CBFB: variants seen among roughly 807,000 people sequenced by gnomAD.
CBFB encodes the protein CBF-beta.
A neutral mutation model predicts 30.4 loss-of-function variants in CBFB; 9 were observed. The ratio of observed to expected loss-of-function variants is 0.30; its 90% confidence interval spans 0.18 to 0.52. The LOEUF (loss-of-function observed/expected upper bound fraction) is 0.52. Among genes scored for constraint, CBFB ranks in the 20% least tolerant of loss-of-function variants. CBFB has a pLI of 0.97. For missense variants in CBFB, 170 were observed against 244.0 expected (o/e 0.70, Z 2.02); for synonymous variants, 94 against 84.0 (o/e 1.12, Z -0.65).
intron 2 of CBFB, among the ~76,000 whole-genome samples, chr16:67,033,126 C>T (rs553449731): frequency 8.7e-4 from 132 of 152,280 alleles, no homozygotes; most frequent in South Asian, 3.1e-3. Context: ...CCACCGACCT[C>T]GGCCTCCCAA....
At chr16:67,088,997 C>T (rs1305923199) in intron 5 of CBFB, among the ~76,000 whole-genome samples, 9 of 152,222 alleles carry the variant, frequency 5.9e-5, no homozygotes, top group African/African-American at 2.2e-4. Context: ...TCTTCCATTT[C>T]ACCATGTGTA....
intron 5 of CBFB, among the ~76,000 whole-genome samples, chr16:67,097,803 A>G (rs756581717): frequency 5.3e-5 from 8 of 152,114 alleles, no homozygotes; most frequent in Non-Finnish European, 1.0e-4. Context: ...ATGTGCCCAT[A>G]GTTCTAGTTA....
At chr16:67,079,515 CTTTTTTTT>C (rs34164177) in intron 4 of CBFB, among the ~76,000 whole-genome samples, 4 of 98,676 alleles carry the variant, frequency 4.1e-5, no homozygotes, top group East Asian at 3.3e-4. Context: ...GGCCCTGGGT[CTTTTTTTT>C]TTTTTTTTTT....
intron 5 of CBFB, among the ~76,000 whole-genome samples, chr16:67,096,273 T>C (rs1474796438): frequency 1.3e-5 from 2 of 151,714 alleles, no homozygotes; most frequent in East Asian, 2.0e-4. Flanking sequence ...ATTGCGCTAC[T>C]GTACTCCAGC....
At chr16:67,068,083 A>T (rs1374059082) in intron 4 of CBFB, among the ~76,000 whole-genome samples, 1 of 152,238 alleles carries the variant, frequency 6.6e-6, no homozygotes, top group Non-Finnish European at 1.5e-5. Flanking sequence ...GTGGCAAAAG[A>T]TGGAAGTCTG....
At chr16:67,062,050 A>G (rs2145744941) in intron 3 of CBFB, among the ~76,000 whole-genome samples, 1 of 152,238 alleles carries the variant, frequency 6.6e-6, no homozygotes, top group African/African-American at 2.4e-5. Context: ...AAAGAATTTT[A>G]CTCATTTTCT....
chr16:67,065,861 A>G (rs903606317), intron 3 of CBFB, among the ~76,000 whole-genome samples: 3 of 152,184 alleles, frequency 2.0e-5, no homozygotes, highest in African/African-American at 7.2e-5. Context: ...GCCTATTGGG[A>G]AAAGTAAAAA....
At chr16:67,076,475 C>T (rs546124695) in intron 4 of CBFB, among the ~76,000 whole-genome samples, 2 of 152,190 alleles carry the variant, frequency 1.3e-5, no homozygotes, top group African/African-American at 2.4e-5. Flanking sequence ...ACATGTTTTT[C>T]CCCCCATTTA....
chr16:67,056,121 C>T (rs1960716011), intron 3 of CBFB, among the ~76,000 whole-genome samples: 1 of 152,106 alleles, frequency 6.6e-6, no homozygotes, highest in Non-Finnish European at 1.5e-5. Flanking sequence ...GTGATGTTCT[C>T]TATGTTTTAT....
intron 3 of CBFB, among the ~76,000 whole-genome samples, chr16:67,050,185 GATAT>G (rs896658407): frequency 6.9e-6 from 1 of 145,662 alleles, no homozygotes; most frequent in African/African-American, 2.5e-5. Context: ...AATTATATGT[GATAT>G]ATATAATATA....
intron 4 of CBFB, among the ~76,000 whole-genome samples, chr16:67,068,245 A>G (rs1299486700): frequency 6.6e-6 from 1 of 152,220 alleles, no homozygotes; most frequent in Non-Finnish European, 1.5e-5. Flanking sequence ...TGGGGAGGCC[A>G]AGATGGCAGG....
chr16:67,041,768 C>CTTTT (rs140180530), intron 3 of CBFB, among the ~76,000 whole-genome samples: 2 of 98,896 alleles, frequency 2.0e-5, no homozygotes, highest in Admixed American at 1.0e-4. Context: ...TGTTTCTTTA[C>CTTTT]TTTTTTTTTT....
intron 4 of CBFB, among the ~76,000 whole-genome samples, chr16:67,071,493 G>A (rs921695093): frequency 1.3e-5 from 2 of 152,136 alleles, no homozygotes; most frequent in African/African-American, 2.4e-5. Flanking sequence ...GGTTCCTCAC[G>A]GGGAACCAAA....
intron 3 of CBFB, among the ~76,000 whole-genome samples, chr16:67,051,945 G>T (rs930245460): frequency 1.2e-3 from 169 of 136,552 alleles, no homozygotes; most frequent in African/African-American, 4.8e-3. Flanking sequence ...ACACACACAC[G>T]CATACATATA....
Position 67,064,838 on chromosome 16 carries a change from ATTG to A in CBFB, c.283-1835_283-1833del, listed in dbSNP as rs201078100. Among the ~76,000 whole-genome samples, 87 of 151,408 alleles carry A rather than the reference ATTG, an allele frequency of 5.7e-4. No homozygotes were observed. The East Asian group carries it at 0.012, about 22-fold the overall frequency. On this transcript the variant is annotated intron_variant, in intron 3 of 5. Transcript: ENST00000412916. The stretch of plus-strand genomic sequence containing the variant: ...TTTTTGTTTTTTGTTGTTGTTTTTT[ATTG>A]TTGTTGTTTCAGAAGAAAAGTTAAT...
intron 3 of CBFB, among the ~76,000 whole-genome samples, chr16:67,065,194 TAGCC>T (rs1191499499): frequency 6.6e-6 from 1 of 152,108 alleles, no homozygotes; most frequent in African/African-American, 2.4e-5. Context: ...CCACCGCGCC[TAGCC>T]AGGATGTAGG....
At chr16:67,033,924 G>A (rs1966400300) in intron 2 of CBFB, among the ~76,000 whole-genome samples, 1 of 151,128 alleles carries the variant, frequency 6.6e-6, no homozygotes, top group Non-Finnish European at 1.5e-5. Context: ...TGCCTCCTGG[G>A]TTCACACGAT....
intron 4 of CBFB, among the ~76,000 whole-genome samples, chr16:67,077,740 G>C (rs1250739402): frequency 2.6e-5 from 4 of 152,116 alleles, no homozygotes; most frequent in Non-Finnish European, 5.9e-5. Flanking sequence ...AAGTGTTACC[G>C]AACTGTTAAA....
At position 67,099,730 on chromosome 16, in the gene CBFB, G is replaced by A. The variant is rs1458262859; in HGVS notation, c.*952G>A. The A allele has an allele frequency of 9.8e-6, 2 of 204,674 alleles. No individual in the cohort carries two copies. The highest frequency in any genetic ancestry group is 4.6e-5 in the African/African-American group (2 of 43,646). The allele number at this position is 204,674 out of a possible 1,614,324, so 12.7% of individuals were successfully genotyped here. On this transcript the variant is annotated 3_prime_UTR_variant, in exon 6 of 6. Transcript: ENST00000412916. ...TTTTTTTAAAAAGTCAATCAGAAAA[G>A]GGATACTGGAGCTTCTTCATGTATG...
Sources: allele counts gnomAD v4.1 joint callset (sites outside exome capture counted in the v4.1 genomes callset), GRCh38; gene constraint gnomAD v4.1.1; transcripts MANE v1.5; gene names NCBI Gene and HGNC (gene_info 2026-07-23, HGNC 2026-07-21).